ABCA10: variants seen among roughly 807,000 people sequenced by gnomAD.
ABCA10 encodes ATP binding cassette subfamily A member 10, also known as ATP-binding cassette sub-family A member 10.
Under a neutral mutation model 187.5 loss-of-function variants are expected in ABCA10, and 169 were observed. The observed-to-expected ratio is 0.90, with a 90% confidence interval of 0.80 to 1.02. The LOEUF (loss-of-function observed/expected upper bound fraction) is 1.02, where lower values mean the gene tolerates loss of function less well. Ranked by LOEUF, ABCA10 falls within the 50% of genes least tolerant of loss-of-function variation. ABCA10 has a pLI of 0.00. For missense variants in ABCA10, 1,727 were observed against 1,812.4 expected (o/e 0.95, Z 0.86); for synonymous variants, 574 against 601.8 (o/e 0.95, Z 0.68).
chr17:69,213,412 T>TGGGGGGGG (rs2074675636), intron 9 of ABCA10, among the ~76,000 whole-genome samples: 4 of 125,736 alleles, frequency 3.2e-5, no homozygotes, highest in African/African-American at 8.9e-5. Context: ...GGTTTGCGGG[T>TGGGGGGGG]GGGGGGAGGG....
intron 5 of ABCA10, among the ~76,000 whole-genome samples, chr17:69,220,237 G>C (rs1424640774): frequency 6.6e-6 from 1 of 152,060 alleles, no homozygotes; most frequent in Non-Finnish European, 1.5e-5. Flanking sequence ...ACAAAGATTG[G>C]GGGAGGGGGG....
At chr17:69,175,565 A>G (rs775898575) in intron 22 of ABCA10, 52 bp from the exon 23 acceptor site, 1 of 1,381,480 alleles carries the variant, frequency 7.2e-7, no homozygotes, top group South Asian at 1.3e-5. Flanking sequence ...CAAATTATAC[A>G]AACATTATAA....
chr17:69,156,697 T>A, intron 28 of ABCA10, 135 bp downstream of exon 28: 1 of 400,244 alleles, frequency 2.5e-6, no homozygotes, highest in Non-Finnish European at 4.3e-6. Context: ...TACATTCAGA[T>A]CTCAATTAGT....
At chr17:69,180,159 T>G (rs1217900187) in intron 22 of ABCA10, among the ~76,000 whole-genome samples, 1 of 152,148 alleles carries the variant, frequency 6.6e-6, no homozygotes, top group East Asian at 1.9e-4. Context: ...ATAAAAAAAT[T>G]TTAAAGACAG....
chr17:69,230,239 G>A (rs2074822661), upstream of ABCA10, among the ~76,000 whole-genome samples: 1 of 152,104 alleles, frequency 6.6e-6, no homozygotes, highest in East Asian at 1.9e-4. Context: ...CCAGAACTGT[G>A]AGAAATAAGT....
chr17:69,195,876 G>C (rs955515568), intron 11 of ABCA10, among the ~76,000 whole-genome samples: 10 of 151,874 alleles, frequency 6.6e-5, no homozygotes, highest in Non-Finnish European at 1.5e-4. Flanking sequence ...AGGGGTTGGG[G>C]GTAAGGCCAT....
chr17:69,215,678 C>T, intron 8 of ABCA10, 137 bp downstream of exon 8: 2 of 838,030 alleles, frequency 2.4e-6, no homozygotes, highest in Non-Finnish European at 1.7e-6. Flanking sequence ...TTTTGTTGTT[C>T]TTATTTAGTT....
intron 9 of ABCA10, among the ~76,000 whole-genome samples, chr17:69,212,167 T>A (rs2074666041): frequency 6.6e-6 from 1 of 152,208 alleles, no homozygotes; most frequent in Non-Finnish European, 1.5e-5. Context: ...GGGGTTTTGA[T>A]AAGTTGTGTC....
At chr17:69,230,425 G>A (rs988273041), upstream of ABCA10, among the ~76,000 whole-genome samples, 1 of 152,012 alleles carries the variant, frequency 6.6e-6, no homozygotes, top group East Asian at 1.9e-4. Flanking sequence ...GTGTCCCTTG[G>A]AGAGGTCATA....
chr17:69,163,412 T>C lies in ABCA10; in HGVS notation c.3363+662A>G, dbSNP rs143779196. ...CATATATTCCCCAGCTGGACAACTGTATGCCTTTAGAATTCAATGGTCAAT... is the reference window on the plus strand; with the variant it reads ...CATATATTCCCCAGCTGGACAACTGCATGCCTTTAGAATTCAATGGTCAAT... On this transcript the variant is annotated intron_variant, in intron 27 of 38. Transcript: ENST00000690296. Among the ~76,000 whole-genome samples, 315 of 152,324 alleles carry C rather than the reference T, an allele frequency of 2.1e-3. 3 individuals carry two copies. The highest frequency in any genetic ancestry group is 7.3e-3 in the African/African-American group (304 of 41,586).
In ABCA10 at chr17:69,187,897, A is replaced by G. The variant is rs1311478681; in HGVS notation, c.2132-18T>C. 5.0e-6 allele frequency: 8 copies of G among 1,607,782 alleles called. No homozygotes were observed. The Admixed American group carries it at 1.3e-4, about 27-fold the overall frequency. On this transcript the variant is annotated intron_variant, in intron 18 of 38. Coordinates refer to ENST00000690296, the MANE Select transcript of ABCA10 (RefSeq NM_001377321.1). The stretch of plus-strand genomic sequence containing the variant: ...GTCAAAATCTACAATCATGTAATAA[A>G]ACATTTTAATAGGCTATGTTATCTG...
At chr17:69,232,412 G>C (rs2074838047), upstream of ABCA10, among the ~76,000 whole-genome samples, 1 of 151,014 alleles carries the variant, frequency 6.6e-6, no homozygotes, top group African/African-American at 2.4e-5. Context: ...TTTTTGCTTT[G>C]TGGTTACCGT....
intron 11 of ABCA10, among the ~76,000 whole-genome samples, chr17:69,196,831 C>T (rs1328684901): frequency 1.3e-5 from 2 of 152,206 alleles, no homozygotes; most frequent in Non-Finnish European, 2.9e-5. Flanking sequence ...GCCAACACGG[C>T]AAAACCCCGT....
upstream of ABCA10, among the ~76,000 whole-genome samples, chr17:69,232,674 A>G (rs189671017): frequency 3.6e-3 from 546 of 152,306 alleles, 7 homozygotes; most frequent in African/African-American, 0.013. Context: ...CAGTATTAGA[A>G]TAACAATCAT....
Position 69,219,741 on chromosome 17 carries a change from A to C in ABCA10, c.334T>G (p.Leu112Val). The C allele has an allele frequency of 1.2e-6, 2 of 1,604,766 alleles. No homozygotes were observed. Among genetic ancestry groups the C allele is most frequent in the African/African-American group, 1.3e-5 (1 of 74,724 alleles). The change falls in exon 6 of 39, where the codon TTG becomes GTG. Residue 112 changes from leucine (L) to valine (V), a missense_variant. Coordinates refer to ENST00000690296, the MANE Select transcript of ABCA10 (RefSeq NM_001377321.1). ...ATATTTATTCCAATAACTGATGTCA[A>C]CTCCTCCATTACAGAATGATTTGTT... Reference protein sequence around the residue: ...VTTNHSVMEELTSVIGINMKI... With the variant: ...VTTNHSVMEEVTSVIGINMKI...
Position 69,214,641 on chromosome 17 carries a change from T to C in ABCA10, c.1006+63A>G. The C allele has an allele frequency of 3.8e-6, 5 of 1,304,884 alleles. No homozygotes were observed. In the South Asian group the frequency reaches 9.3e-5, roughly 24 times the overall value. The allele number at this position is 1,304,884 out of a possible 1,614,324, so 80.8% of individuals were successfully genotyped here. A position where few individuals can be genotyped will look rare whatever the true frequency, so the allele number is the denominator to read the frequency against. ...TTCTTAAGTTACAAATAAACAGATA[T>C]TAATACATGTTTTAAGAAACAGAAT... On this transcript the variant is annotated intron_variant, in intron 9 of 38. Transcript: ENST00000690296.
intron 21 of ABCA10, 62 bp from the exon 22 acceptor site, chr17:69,182,352 C>T: frequency 2.4e-6 from 3 of 1,229,670 alleles, no homozygotes; most frequent in Non-Finnish European, 3.2e-6. Context: ...TTATTGTATA[C>T]TTTGTATATT....
At position 69,219,758 on chromosome 17, in the gene ABCA10, T is replaced by C. The variant is rs1211997788; in HGVS notation, c.317A>G (p.His106Arg). The change falls in exon 6 of 39, where the codon CAT becomes CGT. Residue 106 changes from histidine (H) to arginine (R), a missense_variant. Physicochemically the swap from His to Arg is conservative, Grantham distance 29. Transcript: ENST00000690296. ...TGATGTCAACTCCTCCATTACAGAA[T>C]GATTTGTTGTGACCTAAATTGGGAC... ...NAAIIEVTTN[H>R]SVMEELTSVI... 1 of 1,583,028 alleles carries C rather than the reference T, an allele frequency of 6.3e-7. No individual in the cohort carries two copies. Among genetic ancestry groups the C allele is most frequent in the Non-Finnish European group, 8.6e-7 (1 of 1,165,186 alleles).
Position 69,193,907 on chromosome 17 carries a change from C to A in ABCA10, c.1428G>T (p.Gln476His). The change falls in exon 13 of 39, where the codon CAG becomes CAT. Residue 476 changes from glutamine to histidine, a missense_variant. Coordinates refer to ENST00000690296, the MANE Select transcript of ABCA10 (RefSeq NM_001377321.1). ...EIRKNIGFCPQFNFQFDFLTV... is the reference protein window; with the variant it reads ...EIRKNIGFCPHFNFQFDFLTV... ...TGAGGAAGTCAAATTGAAAATTGAA[C>A]TGTGGACAAAATCCAATATTCTTTC... The A allele has an allele frequency of 6.2e-7, 1 of 1,613,040 alleles. No homozygotes were observed. Among genetic ancestry groups the A allele is most frequent in the Non-Finnish European group, 8.5e-7 (1 of 1,179,286 alleles).
Sources: gnomAD v4.1 joint callset for allele counts (sites outside exome capture counted in the v4.1 genomes callset) on GRCh38, gnomAD v4.1.1 for gene constraint, MANE v1.5 for transcripts, NCBI Gene and HGNC (gene_info 2026-07-23, HGNC 2026-07-21) for gene names.